Variants in NMI observed in about 807,000 individuals in gnomAD.
NMI encodes N-myc and STAT interactor.
A neutral mutation model predicts 34.3 loss-of-function variants in NMI; 39 were observed. That is an observed-to-expected ratio of 1.14 (90% CI 0.88 to 1.49). The LOEUF (loss-of-function observed/expected upper bound fraction) is 1.49. NMI is among the 40% of genes most tolerant of loss of function. NMI has a pLI of 0.00. For synonymous variants in NMI, 113 were observed against 120.3 expected, an observed-to-expected ratio of 0.94 and a Z score of 0.40; for missense variants, 339 against 358.1, an observed-to-expected ratio of 0.95 and a Z score of 0.43.
At chr2:151,274,545 G>A (rs1328850992) in intron 6 of NMI, among the ~76,000 whole-genome samples, 4 of 146,900 alleles carry the variant, frequency 2.7e-5, no homozygotes, top group Admixed American at 6.8e-5. Flanking sequence ...GCGTAGTCTC[G>A]GCTCACTGCA....
chr2:151,284,911 T>A (rs929736026), intron 1 of NMI, among the ~76,000 whole-genome samples: 5 of 152,214 alleles, frequency 3.3e-5, no homozygotes, highest in African/African-American at 1.2e-4. Flanking sequence ...ATGTCTTAGT[T>A]TAATGAACAC....
At chr2:151,288,706 A>G (rs571628129) in intron 1 of NMI, among the ~76,000 whole-genome samples, 5 of 152,298 alleles carry the variant, frequency 3.3e-5, no homozygotes, top group African/African-American at 9.6e-5. Context: ...CAATCATATA[A>G]CTGCGGTGCC....
At chr2:151,282,740 A>T (rs559494483) in intron 2 of NMI, 128 bp downstream of exon 2, 12 of 487,434 alleles carry the variant, frequency 2.5e-5, no homozygotes, top group African/African-American at 1.2e-4. Context: ...GAAGTTAAAA[A>T]TTTTTTTAAA....
At chr2:151,276,454 T>C (rs1281763512) in intron 4 of NMI, among the ~76,000 whole-genome samples, 5 of 152,202 alleles carry the variant, frequency 3.3e-5, no homozygotes, top group Non-Finnish European at 5.9e-5. Flanking sequence ...ATCTTTTCTC[T>C]TATCTCTTAA....
chr2:151,275,385 A>G (rs896056994), intron 6 of NMI, 99 bp downstream of exon 6: 5 of 1,083,388 alleles, frequency 4.6e-6, no homozygotes, highest in Non-Finnish European at 6.8e-6. Flanking sequence ...TCATGCTAAT[A>G]CATTCCAAAT....
intron 4 of NMI, chr2:151,278,140 T>C (rs1019670945): frequency 2.6e-5 from 4 of 152,202 alleles, no homozygotes; most frequent in African/African-American, 9.6e-5. Flanking sequence ...CCTCATGAAG[T>C]AGGTACTACC....
At chr2:151,273,668 G>A (rs1178840402) in intron 6 of NMI, among the ~76,000 whole-genome samples, 4 of 152,078 alleles carry the variant, frequency 2.6e-5, no homozygotes, top group East Asian at 1.9e-4. Context: ...GACTATAGGC[G>A]TGAGCCAGCA....
intron 3 of NMI, among the ~76,000 whole-genome samples, chr2:151,281,299 C>G (rs2105208808): frequency 6.6e-6 from 1 of 152,212 alleles, no homozygotes; most frequent in East Asian, 1.9e-4. Context: ...ACCAAAGCAC[C>G]TTGGATGAGA....
In NMI at chr2:151,275,834, T is replaced by A; in HGVS notation, c.371A>T (p.His124Leu). ...VAQNVVSMSK[H>L]HVQIKDVNLE... ...ATTTACATCTTTTATCTGTACATGA[T>A]GTTTACTCATGCTTACCACATTTTG... is the stretch of plus-strand genomic sequence containing the variant. The change falls in exon 5 of 8, where the codon CAT becomes CTT. Residue 124 changes from histidine to leucine, a missense_variant. His to Leu is a moderately conservative substitution (Grantham distance 99). Transcript: ENST00000243346. 6.2e-7 allele frequency: 1 copy of A among 1,607,292 alleles called. No homozygotes were observed. The highest frequency in any genetic ancestry group is 8.5e-7 in the Non-Finnish European group (1 of 1,176,722).
At chr2:151,280,848 A>ATTTTAT (rs563775738) in intron 3 of NMI, among the ~76,000 whole-genome samples, 5 of 148,542 alleles carry the variant, frequency 3.4e-5, no homozygotes, top group Non-Finnish European at 7.5e-5. Flanking sequence ...CAATGCTTTA[A>ATTTTAT]TTTTTTTTTT....
At chr2:151,273,714 G>T (rs1411981875) in intron 6 of NMI, among the ~76,000 whole-genome samples, 1 of 151,982 alleles carries the variant, frequency 6.6e-6, no homozygotes, top group African/African-American at 2.4e-5. Flanking sequence ...TGGAGAAGGG[G>T]TCTCGCGATG....
chr2:151,279,385 A>G (rs1683347090), intron 3 of NMI, among the ~76,000 whole-genome samples: 2 of 152,226 alleles, frequency 1.3e-5, no homozygotes, highest in African/African-American at 4.8e-5. Context: ...ATTTTGCTGC[A>G]AAGTATGAAA....
intron 3 of NMI, among the ~76,000 whole-genome samples, chr2:151,279,968 G>T (rs917302784): frequency 6.6e-6 from 1 of 152,054 alleles, no homozygotes; most frequent in Non-Finnish European, 1.5e-5. Flanking sequence ...GGCCAAAGCA[G>T]GCAGATCACC....
At chr2:151,274,260 T>C (rs1005122387) in intron 6 of NMI, among the ~76,000 whole-genome samples, 1 of 138,816 alleles carries the variant, frequency 7.2e-6, no homozygotes, top group Non-Finnish European at 1.5e-5. Flanking sequence ...GGAGAATTGC[T>C]TGAACCCGGG....
Position 151,281,242 on chromosome 2 carries a change from G to T in NMI, c.177+706C>A, listed in dbSNP as rs531620412. On this transcript the variant is annotated intron_variant, in intron 3 of 7. Coordinates refer to ENST00000243346, the MANE Select transcript of NMI (RefSeq NM_004688.3). ...ATTTAGGAGAGAATTTAAATGGTGA[G>T]GATTAATATATGTCCAATTTTTTGA... Among the ~76,000 whole-genome samples, 13 of 152,222 alleles carry T rather than the reference G, an allele frequency of 8.5e-5. No individual in the cohort carries two copies. In the South Asian group the frequency reaches 2.7e-3, roughly 32 times the overall value.
At chr2:151,281,271 G>A (rs112146700) in intron 3 of NMI, among the ~76,000 whole-genome samples, 1,780 of 152,234 alleles carry the variant, frequency 0.012, 37 homozygotes, top group African/African-American at 0.039. Context: ...TTTTTGAACC[G>A]TGAAACTCAT....
chr2:151,281,958 T>C lies in NMI; in HGVS notation c.167A>G (p.Lys56Arg). The change falls in exon 3 of 8, where the codon AAA (lysine) becomes AGA (arginine). Residue 56 changes from lysine to arginine, a missense_variant. Transcript: ENST00000243346. The stretch of plus-strand genomic sequence containing the variant: ...TAATTAAGAGAGTACCTGGAATTCT[T>C]TGGTAGCCTCTTGTAACTCCGTTTC... Reference protein sequence around the residue: ...KLETELQEATKEFQIKEDIPE... With the variant: ...KLETELQEATREFQIKEDIPE... 6.6e-7 allele frequency: 1 copy of C among 1,514,436 alleles called. No homozygotes were observed. The highest frequency in any genetic ancestry group is 9.1e-7 in the Non-Finnish European group (1 of 1,095,256). The allele number at this position is 1,514,436 out of a possible 1,614,324, so 93.8% of individuals were successfully genotyped here.
intron 4 of NMI, 25 bp downstream of exon 4, chr2:151,278,803 T>A (rs1270902008): frequency 3.2e-6 from 5 of 1,578,662 alleles, no homozygotes; most frequent in Middle Eastern, 1.7e-4. Flanking sequence ...AATAACATGG[T>A]CATATTTTTT....
In NMI at chr2:151,275,675, A is replaced by G; in HGVS notation, c.448-5T>C. ...TTTAGAAACTTCTACATAAACCTGG[A>G]AAATGATTTGATGTTCAGAAATATG... On this transcript the variant is annotated splice_region_variant and splice_polypyrimidine_tract_variant and intron_variant, in intron 5 of 7. Transcript: ENST00000243346. 6.2e-7 allele frequency: 1 copy of G among 1,613,710 alleles called. No homozygotes were observed. The highest frequency in any genetic ancestry group is 1.1e-5 in the South Asian group (1 of 91,066).
Sources: allele counts gnomAD v4.1 joint callset (sites outside exome capture counted in the v4.1 genomes callset), GRCh38; gene constraint gnomAD v4.1.1; transcripts MANE v1.5; gene names NCBI Gene and HGNC (gene_info 2026-07-23, HGNC 2026-07-21).